INSL6: variants seen among roughly 807,000 people sequenced by gnomAD.
The protein encoded by INSL6 is insulin like 6.
A neutral mutation model predicts 9.4 loss-of-function variants in INSL6; 16 were observed. The ratio of observed to expected loss-of-function variants is 1.70; its 90% CI spans 1.15 to 2.59. The LOEUF (loss-of-function observed/expected upper bound fraction) is 2.59, where lower values mean the gene tolerates loss of function less well. Among genes scored for constraint, INSL6 ranks in the 30% most tolerant of loss-of-function variants. INSL6 has a pLI of 0.00. For missense variants in INSL6, 391 were observed against 257.3 expected, an observed-to-expected ratio of 1.52 and a Z score of -3.56; for synonymous variants, 154 against 96.9, an observed-to-expected ratio of 1.59 and a Z score of -3.46.
At chr9:5,121,595 C>G (rs1204142892), downstream of INSL6, among the ~76,000 whole-genome samples, 1 of 152,102 alleles carries the variant, frequency 6.6e-6, no homozygotes. Context: ...GATAGTTACA[C>G]GTTCTTGAGA....
intron 1 of INSL6, among the ~76,000 whole-genome samples, chr9:5,172,865 C>T (rs1564053807): frequency 6.6e-6 from 1 of 151,530 alleles, no homozygotes; most frequent in Non-Finnish European, 1.5e-5. Flanking sequence ...GAGGCAGAGG[C>T]TGCAGTGAGC....
the INSL6 span, among the ~76,000 whole-genome samples, chr9:5,077,752 A>G: frequency 6.6e-6 from 1 of 152,238 alleles, no homozygotes; most frequent in African/African-American, 2.4e-5. Context: ...TTATGTATGT[A>G]AAATCACTTT....
chr9:5,105,752 AACACC>A, the INSL6 span, among the ~76,000 whole-genome samples: 1 of 152,218 alleles, frequency 6.6e-6, no homozygotes, highest in African/African-American at 2.4e-5. Flanking sequence ...CCTCAGAAAT[AACACC>A]ACACATCTAC....
intron 1 of INSL6, among the ~76,000 whole-genome samples, chr9:5,173,447 A>C (rs1825228201): frequency 6.6e-6 from 1 of 152,238 alleles, no homozygotes; most frequent in African/African-American, 2.4e-5. Context: ...GAATGAGATC[A>C]TGTCCTTTGC....
At chr9:5,054,878 A>G in the INSL6 span, 1 of 1,586,898 alleles carries the variant, frequency 6.3e-7, no homozygotes. This position sits in a 1 kb window ranked among gnomAD's most constrained non-coding sequence, Gnocchi z 4.9. Flanking sequence ...AGACACTGAC[A>G]GAACAGGTAA....
chr9:5,117,836 T>C, the INSL6 span, among the ~76,000 whole-genome samples: 5 of 152,162 alleles, frequency 3.3e-5, no homozygotes, highest in African/African-American at 9.7e-5. Flanking sequence ...GAGGGGACGT[T>C]GTATTAATGA....
At chr9:5,170,453 G>A (rs1212983069) in intron 1 of INSL6, among the ~76,000 whole-genome samples, 1 of 151,536 alleles carries the variant, frequency 6.6e-6, no homozygotes, top group African/African-American at 2.4e-5. Context: ...AGAACCAAGA[G>A]CAAACAAACC....
chr9:4,992,970 ACC>A, the INSL6 span, among the ~76,000 whole-genome samples: 25 of 152,218 alleles, frequency 1.6e-4, no homozygotes, highest in Admixed American at 5.2e-4. Flanking sequence ...CCACCCCTGC[ACC>A]CAACCCATAT....
chr9:5,031,885 C>T, the INSL6 span, among the ~76,000 whole-genome samples: 2 of 152,230 alleles, frequency 1.3e-5, no homozygotes, highest in Admixed American at 1.3e-4. Flanking sequence ...CCGGGTTCGT[C>T]TCACTGGGGA....
chr9:5,056,038 C>G, the INSL6 span, among the ~76,000 whole-genome samples: 9 of 151,964 alleles, frequency 5.9e-5, no homozygotes, highest in Non-Finnish European at 8.8e-5. Flanking sequence ...TAGCAAAGCA[C>G]CAGTTACTTT....
downstream of INSL6, among the ~76,000 whole-genome samples, chr9:5,120,737 A>T (rs1823551133): frequency 6.6e-6 from 1 of 152,178 alleles, no homozygotes; most frequent in Non-Finnish European, 1.5e-5. Context: ...TAGGAGACTG[A>T]TTGGAGATAT....
the INSL6 span, among the ~76,000 whole-genome samples, chr9:5,015,538 CT>C: frequency 0.48 from 52,822 of 109,180 alleles, 10,618 homozygotes; most frequent in African/African-American, 0.68. Context: ...TTTTTCTTTT[CT>C]TTTTTTTTTT....
chr9:5,093,577 A>G, the INSL6 span, among the ~76,000 whole-genome samples: 6 of 152,322 alleles, frequency 3.9e-5, no homozygotes, highest in African/African-American at 1.2e-4. Context: ...CAAAAAGCCT[A>G]TAGGCCTTAA....
the INSL6 span, among the ~76,000 whole-genome samples, chr9:5,029,386 C>T: frequency 6.6e-6 from 1 of 152,142 alleles, no homozygotes; most frequent in Non-Finnish European, 1.5e-5. Flanking sequence ...CACAGATCAT[C>T]ATAACTGATA....
chr9:5,180,039 T>A (rs117035085), intron 1 of INSL6, among the ~76,000 whole-genome samples: 5,026 of 152,234 alleles, frequency 0.033, 154 homozygotes, highest in Middle Eastern at 0.048. Flanking sequence ...CTCTTCAAAT[T>A]AGTGTATATA....
chr9:5,080,489 G>A, the INSL6 span: 1 of 1,544,256 alleles, frequency 6.5e-7, no homozygotes, highest in African/African-American at 1.4e-5. Context: ...AGGTTGGTGT[G>A]GCATTACACA....
chr9:5,054,672 C>T, the INSL6 span: 1 of 1,613,330 alleles, frequency 6.2e-7, no homozygotes, highest in Non-Finnish European at 8.5e-7. The surrounding 1 kb of genome is among the most constrained non-coding windows in gnomAD (Gnocchi z 4.9). Flanking sequence ...GCAATTCAGC[C>T]AATGCAAAGC....
At chr9:5,078,988 ACTGAATTTTG>A in the INSL6 span, among the ~76,000 whole-genome samples, 1 of 152,212 alleles carries the variant, frequency 6.6e-6, no homozygotes, top group South Asian at 2.1e-4. Flanking sequence ...GATAATTATA[ACTGAATTTTG>A]TTATCTTAGA....
the INSL6 span, among the ~76,000 whole-genome samples, chr9:5,065,731 C>A: frequency 1.3e-5 from 2 of 152,244 alleles, no homozygotes; most frequent in South Asian, 2.1e-4. Flanking sequence ...TAGCTTAAGT[C>A]CTAATGATCT....
Sources: allele counts gnomAD v4.1 joint callset (sites outside exome capture counted in the v4.1 genomes callset), GRCh38; gene constraint gnomAD v4.1.1; non-coding constraint Gnocchi (gnomAD v3.1); transcripts MANE v1.5; gene names NCBI Gene and HGNC (gene_info 2026-07-23, HGNC 2026-07-21).